Variants in ZFAT observed in about 807,000 individuals in gnomAD.
ZFAT encodes zinc finger protein ZFAT.
In ZFAT, 64 loss-of-function variants were observed where a neutral mutation model predicts 117.7. That is an observed-to-expected ratio of 0.54 (90% CI 0.44 to 0.67). ZFAT has a LOEUF of 0.67. Ranked by LOEUF, ZFAT falls within the 30% of genes least tolerant of loss-of-function variation. The pLI is 0.00. For synonymous variants in ZFAT, 679 were observed against 615.0 expected, an observed-to-expected ratio of 1.10 and a Z score of -1.54; for missense variants, 1,433 against 1,584.5, an observed-to-expected ratio of 0.90 and a Z score of 1.62.
At chr8:134,828,989 T>C in the ZFAT span, among the ~76,000 whole-genome samples, 1 of 152,206 alleles carries the variant, frequency 6.6e-6, no homozygotes, top group Non-Finnish European at 1.5e-5. Flanking sequence ...TTGCTGAAGT[T>C]TGGGTATAAC....
chr8:134,601,897 C>T lies in ZFAT; in HGVS notation c.1822G>A (p.Ala608Thr), dbSNP rs1372877683. 1.2e-6 allele frequency: 2 copies of T among 1,613,552 alleles called. No homozygotes were observed. Among genetic ancestry groups the T allele is most frequent in the African/African-American group, 1.3e-5 (1 of 74,914 alleles). The change falls in exon 6 of 16, where the codon GCT becomes ACT. Residue 608 changes from alanine to threonine, a missense_variant. This residue lies in a region of ZFAT where 372 missense variants were observed against 355.6 expected (regional missense o/e 1.05). Transcript: ENST00000377838. Reference protein sequence around the residue: ...LLKNDTSSAEAHAAPEKPPDM... With the variant: ...LLKNDTSSAETHAAPEKPPDM... ...GGGGGCTTCTCAGGAGCAGCATGAG[C>T]CTCTGCGGAGGAGGTATCATTTTTC...
intron 1 of ZFAT, among the ~76,000 whole-genome samples, chr8:134,689,565 C>T (rs1249278697): frequency 6.6e-6 from 1 of 152,168 alleles, no homozygotes; most frequent in South Asian, 2.1e-4. Flanking sequence ...AGATGTGATT[C>T]GCATACTACG....
At chr8:134,805,087 T>C in the ZFAT span, 1 of 283,208 alleles carries the variant, frequency 3.5e-6, no homozygotes, top group Non-Finnish European at 7.4e-6. Context: ...TTAATGCTAA[T>C]AATTAAAGAG....
chr8:134,825,915 G>GGAGGCT, the ZFAT span, among the ~76,000 whole-genome samples: 1 of 151,968 alleles, frequency 6.6e-6, no homozygotes, highest in Non-Finnish European at 1.5e-5. Flanking sequence ...CAGCTACTCA[G>GGAGGCT]GAGGCTGAGG....
At chr8:134,736,778 G>C in the ZFAT span, among the ~76,000 whole-genome samples, 2 of 152,080 alleles carry the variant, frequency 1.3e-5, no homozygotes, top group Admixed American at 1.3e-4. Flanking sequence ...TAGATACAAA[G>C]TCTCGCTATG....
chr8:134,611,229 T>A (rs1278062180), intron 3 of ZFAT, among the ~76,000 whole-genome samples: 1 of 152,212 alleles, frequency 6.6e-6, no homozygotes, highest in African/African-American at 2.4e-5. Flanking sequence ...GGATGGTAGA[T>A]TCTCCACTTC....
the ZFAT span, among the ~76,000 whole-genome samples, chr8:134,829,834 A>G: frequency 3.9e-5 from 6 of 152,208 alleles, no homozygotes; most frequent in Non-Finnish European, 8.8e-5. Context: ...TGAGTTGTTC[A>G]CCTGTGGTAG....
At chr8:134,657,508 A>T (rs1357159294) in intron 2 of ZFAT, 53 bp downstream of exon 2, 12 of 1,513,026 alleles carry the variant, frequency 7.9e-6, no homozygotes, top group African/African-American at 1.4e-5. Context: ...GGAGCAAATC[A>T]ACATCAACAG....
At chr8:134,704,272 T>C (rs1319820609) in intron 1 of ZFAT, among the ~76,000 whole-genome samples, 1 of 152,108 alleles carries the variant, frequency 6.6e-6, no homozygotes, top group African/African-American at 2.4e-5. Flanking sequence ...CAGGCAGAAT[T>C]CAAAAGATGC....
At chr8:134,519,819 C>T (rs1026561202) in intron 13 of ZFAT, among the ~76,000 whole-genome samples, 2 of 152,038 alleles carry the variant, frequency 1.3e-5, no homozygotes, top group Non-Finnish European at 2.9e-5. Flanking sequence ...GTTTGGATGA[C>T]ACACATTTTT....
Position 134,602,729 on chromosome 8 carries a change from A to G in ZFAT, c.990T>C (p.Tyr330=), listed in dbSNP as rs3739422. Residue 330 remains tyrosine, a synonymous_variant, in exon 6 of 16, where the codon TAT becomes TAC. Transcript: ENST00000377838. ...KHTGEKFACD[Y]CSFTCLSKGH... is the part of the protein sequence containing the mutation. The stretch of plus-strand genomic sequence containing the variant: ...CCTTGCTCAGGCAGGTGAACGAGCA[A>G]TAGTCGCAGGCGAACTTCTCTCCAG... 0.3 allele frequency: 487,716 copies of G among 1,613,870 alleles called. 77,461 individuals are homozygous for G. The highest frequency in any genetic ancestry group is 0.54 in the East Asian group (24,066 of 44,856).
intron 4 of ZFAT, 103 bp from the exon 5 acceptor site, chr8:134,608,982 G>A: frequency 1.5e-6 from 2 of 1,335,384 alleles, no homozygotes; most frequent in Non-Finnish European, 2.0e-6. Context: ...TTTCTATACT[G>A]TCTGATACCC....
In ZFAT at chr8:134,478,656, G is replaced by A. The variant is rs1199407445; in HGVS notation, c.3558C>T (p.Ser1186=). Residue 1186 remains serine, a synonymous_variant, in exon 16 of 16, where the codon TCC becomes TCT. Transcript: ENST00000377838. This position sits in a 1 kb window ranked among gnomAD's most constrained non-coding sequence, Gnocchi z 5.2. Reference sequence around the variant, plus strand: ...GGTGGTGCTGCTCGGCAAGCTCCACGGACGCTTGCTGGACCGTCTCCTGGA... The same window carrying A: ...GGTGGTGCTGCTCGGCAAGCTCCACAGACGCTTGCTGGACCGTCTCCTGGA... ...VMIQETVQQA[S]VELAEQHHLV... 8 of 1,582,772 alleles carry A rather than the reference G, an allele frequency of 5.1e-6. No individual in the cohort carries two copies. The highest frequency in any genetic ancestry group is 1.7e-4 in the Middle Eastern group (1 of 6,052).
chr8:134,594,960 T>G (rs1432376786), intron 7 of ZFAT: 1 of 152,202 alleles, frequency 6.6e-6, no homozygotes, highest in Non-Finnish European at 1.5e-5. Context: ...CCTCACACTT[T>G]TGTGTCAGAA....
At chr8:134,653,383 G>A (rs1831393759) in intron 2 of ZFAT, among the ~76,000 whole-genome samples, 1 of 139,022 alleles carries the variant, frequency 7.2e-6, no homozygotes, top group Admixed American at 7.4e-5. Flanking sequence ...TCAGCCTCCT[G>A]AGTACCTGGG....
At chr8:134,502,765 G>C (rs1819092418) in intron 15 of ZFAT, among the ~76,000 whole-genome samples, 1 of 152,232 alleles carries the variant, frequency 6.6e-6, no homozygotes, top group Non-Finnish European at 1.5e-5. Context: ...GAGCACTTGG[G>C]ATTTTGAACA....
chr8:134,661,194 C>T (rs867872792), intron 1 of ZFAT, among the ~76,000 whole-genome samples: 9 of 152,160 alleles, frequency 5.9e-5, no homozygotes, highest in African/African-American at 1.2e-4. Context: ...AGGAAGGGCG[C>T]GTGGGCAGGA....
chr8:134,800,377 A>G, the ZFAT span: 17 of 377,936 alleles, frequency 4.5e-5, no homozygotes, highest in South Asian at 3.5e-4. Context: ...CCTGCCAGCT[A>G]GACAATTAAC....
Position 134,712,810 on chromosome 8 carries a change from CACCCCGTCTCACCCCAA to C in ZFAT, c.19+18_19+34del. 9 of 1,024,454 alleles carry C rather than the reference CACCCCGTCTCACCCCAA, an allele frequency of 8.8e-6. No homozygotes were observed. The highest frequency in any genetic ancestry group is 9.9e-6 in the Non-Finnish European group (7 of 708,674). The allele number at this position is 1,024,454 out of a possible 1,614,324, so 63.5% of individuals were successfully genotyped here. On this transcript the variant is annotated intron_variant, in intron 1 of 15. Transcript: ENST00000377838. ...CGCGCGCCGCGCCGCGCCCCACCCC[CACCCCGTCTCACCCCAA>C]CCCCCAGCCCGGCTCACCTGCCGCC...
Sources: gnomAD v4.1 joint callset for allele counts (sites outside exome capture counted in the v4.1 genomes callset) on GRCh38, gnomAD v4.1.1 for gene constraint, gnomAD v4.1.1 regional missense constraint, Gnocchi (gnomAD v3.1) non-coding constraint, MANE v1.5 for transcripts, NCBI Gene and HGNC (gene_info 2026-07-23, HGNC 2026-07-21) for gene names.